YAP1: variants seen among roughly 807,000 people sequenced by gnomAD.
YAP1 encodes Yes1 associated transcriptional regulator, also known as transcriptional coactivator YAP1.
Under a neutral mutation model 56.9 loss-of-function variants are expected in YAP1, and 5 were observed. The observed-to-expected ratio is 0.09, with a 90% CI of 0.05 to 0.18. YAP1 has a LOEUF of 0.18. Ranked by LOEUF, YAP1 falls within the 10% of genes least tolerant of loss-of-function variation. The probability of loss-of-function intolerance (pLI) is 1.00; values close to 1 mark genes in which losing one functional copy is unlikely to be tolerated. For synonymous variants in YAP1, 265 were observed against 248.1 expected, an observed-to-expected ratio of 1.07 and a Z score of -0.64; for missense variants, 539 against 651.8, an observed-to-expected ratio of 0.83 and a Z score of 1.88.
At chr11:102,222,566 TCAGGTTTA>T (rs1253407668) in intron 6 of YAP1, among the ~76,000 whole-genome samples, 1 of 152,210 alleles carries the variant, frequency 6.6e-6, no homozygotes, top group African/African-American at 2.4e-5. Flanking sequence ...CAGCCTTTGC[TCAGGTTTA>T]CAGGGAGAAT....
At chr11:102,156,116 T>G (rs993716023) in intron 2 of YAP1, among the ~76,000 whole-genome samples, 8 of 152,224 alleles carry the variant, frequency 5.3e-5, no homozygotes, top group Non-Finnish European at 1.0e-4. Context: ...GTAACCTATA[T>G]AAGAAAGTTC....
intron 4 of YAP1, among the ~76,000 whole-genome samples, chr11:102,195,777 C>G (rs1314572879): frequency 6.6e-6 from 1 of 152,178 alleles, no homozygotes; most frequent in Non-Finnish European, 1.5e-5. Context: ...AACCTCTTTT[C>G]TTTATAAATT....
At chr11:102,140,612 A>G (rs570939171) in intron 2 of YAP1, among the ~76,000 whole-genome samples, 2 of 152,290 alleles carry the variant, frequency 1.3e-5, no homozygotes, top group African/African-American at 2.4e-5. Flanking sequence ...TGGGAGGCCA[A>G]AGCGGACGGA....
At chr11:102,225,324 A>G (rs2135710566) in intron 7 of YAP1, among the ~76,000 whole-genome samples, 1 of 152,238 alleles carries the variant, frequency 6.6e-6, no homozygotes, top group South Asian at 2.1e-4. Context: ...CATCTTTACT[A>G]AAAATACAAA....
At chr11:102,199,828 A>G (rs528519678) in intron 4 of YAP1, among the ~76,000 whole-genome samples, 36 of 152,352 alleles carry the variant, frequency 2.4e-4, no homozygotes, top group African/African-American at 8.7e-4. Flanking sequence ...CTCAATGGGA[A>G]AAGCCAGGCG....
intron 1 of YAP1, chr11:102,112,765 C>T (rs1943037696): frequency 1.0e-6 from 1 of 985,206 alleles, no homozygotes; most frequent in Non-Finnish European, 1.2e-6. Context: ...TTTCTCTTAC[C>T]CCTCGAAGTG....
chr11:102,225,030 G>A (rs1349191314), intron 7 of YAP1, among the ~76,000 whole-genome samples: 5 of 152,100 alleles, frequency 3.3e-5, no homozygotes, highest in Admixed American at 3.3e-4. Context: ...TTTGATGAGA[G>A]CTGGGCTACA....
intron 2 of YAP1, among the ~76,000 whole-genome samples, chr11:102,117,639 G>GGTCA (rs1191352985): frequency 6.6e-6 from 1 of 152,150 alleles, no homozygotes. Flanking sequence ...GCCCTCCTTA[G>GGTCA]GTCAGTGAGA....
rs532209228 is a variant in YAP1, at chr11:102,181,156, AAAT to A, written c.689-4857_689-4855del. Among the ~76,000 whole-genome samples the A allele has an allele frequency of 6.7e-3, 1,004 of 149,922 alleles. 18 individuals carry two copies. Among genetic ancestry groups the A allele is most frequent in the African/African-American group, 0.024 (973 of 40,638 alleles). On this transcript the variant is annotated intron_variant, in intron 3 of 8. Coordinates refer to ENST00000282441, the MANE Select transcript of YAP1 (RefSeq NM_001130145.3). ...AATGAGACCCTGCCTCAAAAAAATAAAATAATAGGCCAGGCTCGGTGGCTCACG... is the reference window on the plus strand; with the variant it reads ...AATGAGACCCTGCCTCAAAAAAATAAAATAGGCCAGGCTCGGTGGCTCACG...
At chr11:102,120,042 A>T (rs926756387) in intron 2 of YAP1, among the ~76,000 whole-genome samples, 1 of 152,234 alleles carries the variant, frequency 6.6e-6, no homozygotes, top group Non-Finnish European at 1.5e-5. Flanking sequence ...AACTGTGGTT[A>T]CTAGGTGATG....
Position 102,173,414 on chromosome 11 carries a change from T to C in YAP1, c.688+10843T>C, listed in dbSNP as rs183228139. 3.8e-3 allele frequency among the ~76,000 whole-genome samples: 585 copies of C among 152,296 alleles called. 1 individual carries two copies. The highest frequency in any genetic ancestry group is 6.8e-3 in the Non-Finnish European group (465 of 68,026). On this transcript the variant is annotated intron_variant, in intron 3 of 8. Coordinates refer to ENST00000282441, the MANE Select transcript of YAP1 (RefSeq NM_001130145.3). ...TATTTTTATTATCTGATCATTTGAA[T>C]TTTGAAATCCAAATATCTCATTTTC...
At position 102,209,794 on chromosome 11, in the gene YAP1, A is replaced by G. The variant is rs534076180; in HGVS notation, c.1032+230A>G. ...GGGAGTTTCTGTTTATTTTGATTCC[A>G]TGGAGGTCTTTTTTATTCTATATTT... On this transcript the variant is annotated intron_variant, in intron 6 of 8. Coordinates refer to ENST00000282441, the MANE Select transcript of YAP1 (RefSeq NM_001130145.3). 6.1e-4 allele frequency among the ~76,000 whole-genome samples: 93 copies of G among 152,166 alleles called. No homozygotes were observed. In the Middle Eastern group the frequency reaches 0.01, roughly 17 times the overall value.
intron 7 of YAP1, 91 bp downstream of exon 7, chr11:102,223,843 T>G (rs1408997450): frequency 2.0e-6 from 3 of 1,504,540 alleles, no homozygotes; most frequent in Non-Finnish European, 2.7e-6. Context: ...ATTTGGAACA[T>G]CTGTGTGGGC....
At chr11:102,136,116 T>C (rs537736333) in intron 2 of YAP1, among the ~76,000 whole-genome samples, 15 of 152,354 alleles carry the variant, frequency 9.8e-5, no homozygotes, top group African/African-American at 3.4e-4. Flanking sequence ...ATGGTACTTT[T>C]GCTGGTCTTC....
intron 2 of YAP1, among the ~76,000 whole-genome samples, chr11:102,135,536 T>C (rs1944628213): frequency 6.6e-6 from 1 of 152,212 alleles, no homozygotes; most frequent in Non-Finnish European, 1.5e-5. Flanking sequence ...TTTCTAGCAT[T>C]GCGGTCTGAA....
chr11:102,114,506 A>G (rs1314767984), intron 2 of YAP1, 112 bp downstream of exon 2: 4 of 1,301,570 alleles, frequency 3.1e-6, no homozygotes, highest in Non-Finnish European at 4.1e-6. Context: ...TTTATTTAAT[A>G]TTTATGTTAA....
rs543020808 is a variant in YAP1 at position 102,211,020 on chromosome 11, G to T, written c.1032+1456G>T. Among the ~76,000 whole-genome samples, 135 of 152,278 alleles carry T rather than the reference G, an allele frequency of 8.9e-4. 2 individuals carry two copies. The highest frequency in any genetic ancestry group is 8.4e-4 in the Non-Finnish European group (57 of 68,020). ...TCCGCCCACCTCAGCCTCCCAAATT[G>T]CTGGGATTACAGGCGTGAGCCACCA... On this transcript the variant is annotated intron_variant, in intron 6 of 8. Transcript: ENST00000282441.
intron 6 of YAP1, among the ~76,000 whole-genome samples, 171 bp downstream of exon 6, chr11:102,209,735 G>A (rs892938717): frequency 6.6e-6 from 1 of 152,026 alleles, no homozygotes; most frequent in African/African-American, 2.4e-5. Context: ...TTCCAAGAAA[G>A]TCTACACAGT....
At chr11:102,180,409 G>A (rs757963989) in intron 3 of YAP1, among the ~76,000 whole-genome samples, 10 of 151,760 alleles carry the variant, frequency 6.6e-5, no homozygotes, top group African/African-American at 1.5e-4. Flanking sequence ...TGAGCCAGGC[G>A]TGGTGGCTCA....
Sources: gnomAD v4.1 joint callset for allele counts (sites outside exome capture counted in the v4.1 genomes callset) on GRCh38, gnomAD v4.1.1 for gene constraint, MANE v1.5 for transcripts, NCBI Gene and HGNC (gene_info 2026-07-23, HGNC 2026-07-21) for gene names.